The following TCF12 variants were observed in gnomAD, a reference collection of about 807,000 sequenced individuals.
TCF12 encodes DNA-binding protein HTF4.
TCF12 carries 45 observed loss-of-function variants against 86.0 expected under a neutral mutation model. The observed-to-expected ratio is 0.52, with a 90% CI of 0.41 to 0.67. The LOEUF (loss-of-function observed/expected upper bound fraction) is 0.67. Among genes scored for constraint, TCF12 ranks in the 30% least tolerant of loss-of-function variants. The pLI is 0.00. For synonymous variants in TCF12, 330 were observed against 299.6 expected (o/e 1.10, Z -1.05); for missense variants, 881 against 859.9 (o/e 1.02, Z -0.31).
intron 3 of TCF12, among the ~76,000 whole-genome samples, chr15:57,000,750 T>G (rs2063978676): frequency 6.6e-6 from 1 of 152,108 alleles, no homozygotes; most frequent in Non-Finnish European, 1.5e-5. Flanking sequence ...TGTGCCTCCT[T>G]ATTAATGATT....
chr15:57,258,497 C>T (rs1418726230), intron 16 of TCF12, among the ~76,000 whole-genome samples: 2 of 152,100 alleles, frequency 1.3e-5, no homozygotes, highest in African/African-American at 2.4e-5. Context: ...AAATGAAATT[C>T]GAAGCATTTT....
intron 3 of TCF12, among the ~76,000 whole-genome samples, chr15:56,997,351 G>A (rs1238817948): frequency 6.6e-6 from 1 of 152,170 alleles, no homozygotes; most frequent in African/African-American, 2.4e-5. Flanking sequence ...GAATCATCCT[G>A]TGGGAACTGA....
At chr15:57,230,576 G>A (rs1444967679) in intron 8 of TCF12, among the ~76,000 whole-genome samples, 1 of 152,012 alleles carries the variant, frequency 6.6e-6, no homozygotes. Flanking sequence ...AGCTTTGCCA[G>A]ACTTGAAAGT....
chr15:57,089,792 T>C (rs959935574), intron 4 of TCF12, among the ~76,000 whole-genome samples: 5 of 152,162 alleles, frequency 3.3e-5, no homozygotes, highest in Non-Finnish European at 7.3e-5. Flanking sequence ...TAAGTGAGTA[T>C]TTTTATAGGT....
At chr15:56,965,225 T>C (rs2140640525) in intron 3 of TCF12, among the ~76,000 whole-genome samples, 1 of 152,330 alleles carries the variant, frequency 6.6e-6, no homozygotes, top group South Asian at 2.1e-4. Context: ...TATGTATTAA[T>C]TATATTATGC....
chr15:56,984,249 GGTGTGT>G lies in TCF12; in HGVS notation c.148+63191_148+63196del, dbSNP rs56221122. On this transcript the variant is annotated intron_variant, in intron 3 of 20. Coordinates refer to ENST00000333725, the MANE Select transcript of TCF12 (RefSeq NM_207037.2). ...ACAAATTTAGGAAAAGCATGTGCAT[GGTGTGT>G]GTGTGTGTGTGTGTGTGTGTGTGTG... 8.6e-3 allele frequency among the ~76,000 whole-genome samples: 1,062 copies of G among 123,056 alleles called. 8 individuals carry two copies. The highest frequency in any genetic ancestry group is 0.022 in the African/African-American group (723 of 32,584). 80.7% of individuals were successfully genotyped at this position (123,056 alleles called of 152,430 possible).
intron 5 of TCF12, among the ~76,000 whole-genome samples, chr15:57,103,568 G>A (rs1250223100): frequency 6.6e-6 from 1 of 152,130 alleles, no homozygotes; most frequent in Admixed American, 6.5e-5. Flanking sequence ...AATAAAAGAA[G>A]ACATTGTATG....
intron 15 of TCF12, 53 bp from the exon 16 acceptor site, chr15:57,253,209 G>T: frequency 1.3e-6 from 2 of 1,594,264 alleles, no homozygotes; most frequent in South Asian, 1.1e-5. Flanking sequence ...AGCAGTTAAT[G>T]AATCTAACAG....
At chr15:57,224,843 G>A (rs2058792420) in intron 8 of TCF12, among the ~76,000 whole-genome samples, 1 of 152,068 alleles carries the variant, frequency 6.6e-6, no homozygotes, top group Non-Finnish European at 1.5e-5. Context: ...TACTTCAGAC[G>A]TTTTGCTTTA....
intron 5 of TCF12, among the ~76,000 whole-genome samples, chr15:57,105,690 G>T (rs2050090923): frequency 6.6e-6 from 1 of 152,186 alleles, no homozygotes; most frequent in Non-Finnish European, 1.5e-5. Context: ...GGGATTACAG[G>T]CCTGAGCTAC....
intron 3 of TCF12, among the ~76,000 whole-genome samples, chr15:56,968,694 A>G (rs1035480938): frequency 6.6e-6 from 1 of 152,212 alleles, no homozygotes. Context: ...AATATCTGAG[A>G]CAGGTCTCAA....
At chr15:57,178,402 T>A (rs2056108274) in intron 6 of TCF12, among the ~76,000 whole-genome samples, 1 of 152,222 alleles carries the variant, frequency 6.6e-6, no homozygotes, top group South Asian at 2.1e-4. Context: ...TGGGTTTTTT[T>A]ACTCTTAATT....
chr15:57,066,518 G>C (rs114740722), intron 4 of TCF12, among the ~76,000 whole-genome samples: 1,897 of 152,032 alleles, frequency 0.012, 39 homozygotes, highest in African/African-American at 0.043. Context: ...TCTATCAGCA[G>C]ATTCCATTAT....
intron 3 of TCF12, among the ~76,000 whole-genome samples, chr15:56,940,372 T>G (rs1160758352): frequency 6.6e-6 from 1 of 152,172 alleles, no homozygotes; most frequent in East Asian, 1.9e-4. Context: ...TTTTGTTGAT[T>G]GTAGGAAATA....
chr15:57,007,953 TTCTC>T (rs1362072408), intron 3 of TCF12, among the ~76,000 whole-genome samples: 1 of 148,202 alleles, frequency 6.7e-6, no homozygotes, highest in Non-Finnish European at 1.5e-5. Context: ...TTTTCTTTCT[TTCTC>T]TCTGTCTCTC....
chr15:57,238,733 G>A (rs2059481127), intron 12 of TCF12, among the ~76,000 whole-genome samples: 1 of 152,160 alleles, frequency 6.6e-6, no homozygotes, highest in South Asian at 2.1e-4. Context: ...ACTTTTACAA[G>A]ATACTGGCAT....
chr15:57,259,228 G>A (rs1425834863), intron 16 of TCF12, among the ~76,000 whole-genome samples: 2 of 152,038 alleles, frequency 1.3e-5, no homozygotes, highest in African/African-American at 4.8e-5. Flanking sequence ...TATGTAAAAG[G>A]AACTGTAACA....
intron 19 of TCF12, chr15:57,281,503 C>CA (rs2061688371): frequency 3.9e-5 from 6 of 152,244 alleles, no homozygotes; most frequent in Admixed American, 3.9e-4. Context: ...TACGAACGAA[C>CA]GGGCTGGCTG....
intron 3 of TCF12, among the ~76,000 whole-genome samples, chr15:56,963,206 G>A (rs1279382600): frequency 5.3e-5 from 8 of 151,792 alleles, no homozygotes; most frequent in African/African-American, 1.9e-4. Context: ...GACTAATTGA[G>A]CATACAGAAA....
Sources: allele counts gnomAD v4.1 joint callset (sites outside exome capture counted in the v4.1 genomes callset), GRCh38; gene constraint gnomAD v4.1.1; transcripts MANE v1.5; gene names NCBI Gene and HGNC (gene_info 2026-07-23, HGNC 2026-07-21).